Variants in KCNQ1 observed in about 807,000 individuals in gnomAD.
KCNQ1 encodes potassium voltage-gated channel subfamily KQT member 1.
Under a neutral mutation model 72.4 loss-of-function variants are expected in KCNQ1, and 49 were observed. That is an observed-to-expected ratio of 0.68 (90% CI 0.54 to 0.86). The LOEUF is 0.86. Ranked by LOEUF, KCNQ1 falls within the 40% of genes least tolerant of loss-of-function variation. The pLI is 0.00. For missense variants in KCNQ1, 790 were observed against 945.1 expected (o/e 0.84, Z 2.15); for synonymous variants, 450 against 412.6 (o/e 1.09, Z -1.10).
chr11:2,662,114 T>C, intron 11 of KCNQ1, 33 bp downstream of exon 11: 3 of 1,613,690 alleles, frequency 1.9e-6, no homozygotes. Context: ...AGGGCTGGGC[T>C]GGAGGGGACT....
rs1168367190 is a variant in KCNQ1 at position 2,820,608 on chromosome 11, G to A, written c.1795-27159G>A. Among the ~76,000 whole-genome samples the A allele has an allele frequency of 2.0e-5, 3 of 152,116 alleles. 1 individual carries two copies. The highest frequency in any genetic ancestry group is 2.0e-4 in the Admixed American group (3 of 15,272). ...TTTGTTTGTTAGTTTCACCCACTGT[G>A]GTTTGTCAGTTTCTGAGAGACAGGC... On this transcript the variant is annotated intron_variant, in intron 15 of 15. Transcript: ENST00000155840.
intron 6 of KCNQ1, among the ~76,000 whole-genome samples, chr11:2,583,148 G>A (rs1272145336): frequency 6.6e-6 from 1 of 152,118 alleles, no homozygotes; most frequent in Admixed American, 6.5e-5. Context: ...TGTGGGGCGA[G>A]CTCCCAGGCC....
At chr11:2,801,801 C>T (rs1333437916) in intron 15 of KCNQ1, among the ~76,000 whole-genome samples, 4 of 152,208 alleles carry the variant, frequency 2.6e-5, no homozygotes, top group African/African-American at 9.7e-5. Context: ...GCGGGGGTGT[C>T]CTTGCCTCTC....
intron 1 of KCNQ1, among the ~76,000 whole-genome samples, chr11:2,501,572 G>A (rs1018918092): frequency 6.6e-6 from 1 of 151,900 alleles, no homozygotes; most frequent in African/African-American, 2.4e-5. Context: ...AGACTTGATG[G>A]CCTCACTGCT....
rs112200681 is a variant in KCNQ1 at position 2,542,804 on chromosome 11, T to C, written c.477+14786T>C. Among the ~76,000 whole-genome samples, 795 of 152,366 alleles carry C rather than the reference T, an allele frequency of 5.2e-3. 8 individuals carry two copies. The highest frequency in any genetic ancestry group is 0.018 in the African/African-American group (769 of 41,588). On this transcript the variant is annotated intron_variant, in intron 2 of 15. Coordinates refer to ENST00000155840, the MANE Select transcript of KCNQ1 (RefSeq NM_000218.3). ...TTTTTCATTGCTGAGCCGTATCCCA[T>C]TGTACGGACGCATTGCAGTCTGTTT...
At chr11:2,719,398 G>C (rs1438119303) in intron 11 of KCNQ1, among the ~76,000 whole-genome samples, 1 of 151,266 alleles carries the variant, frequency 6.6e-6, no homozygotes, top group Non-Finnish European at 1.5e-5. Context: ...TGGGGGCTGA[G>C]ATGGGAGGAT....
chr11:2,514,299 G>C (rs1031422909), intron 1 of KCNQ1, among the ~76,000 whole-genome samples: 1 of 152,232 alleles, frequency 6.6e-6, no homozygotes, highest in African/African-American at 2.4e-5. Context: ...AGGTGCCTGT[G>C]GTCCCAGATC....
intron 11 of KCNQ1, among the ~76,000 whole-genome samples, chr11:2,756,205 G>A (rs115640247): frequency 0.046 from 7,035 of 152,264 alleles, 353 homozygotes; most frequent in East Asian, 0.2. Flanking sequence ...GTGTGTGGAC[G>A]AGTGAGAATG....
At chr11:2,513,560 A>G (rs1847243086) in intron 1 of KCNQ1, among the ~76,000 whole-genome samples, 1 of 152,216 alleles carries the variant, frequency 6.6e-6, no homozygotes, top group South Asian at 2.1e-4. Context: ...TGCCGTGTTC[A>G]GAGTTCCACA....
intron 10 of KCNQ1, chr11:2,644,158 C>G (rs911415922): frequency 7.5e-6 from 3 of 398,390 alleles, no homozygotes; most frequent in Non-Finnish European, 1.3e-5. Context: ...GGGAAGTGTT[C>G]AGGTATTATT....
chr11:2,843,582 G>A (rs897455961), intron 15 of KCNQ1, among the ~76,000 whole-genome samples: 7 of 152,260 alleles, frequency 4.6e-5, no homozygotes, highest in South Asian at 2.1e-4. Flanking sequence ...GGCCTCTCCC[G>A]CCTGTCCCTG....
chr11:2,597,922 G>A lies in KCNQ1; in HGVS notation c.1393+9068G>A, dbSNP rs150497646. On this transcript the variant is annotated intron_variant, in intron 10 of 15. Coordinates refer to ENST00000155840, the MANE Select transcript of KCNQ1 (RefSeq NM_000218.3). ...TTATGGTCTTCTCTATCATCTCTTCGTTTTTCTTTTCCTTTATGCCTGAAC... is the reference window on the plus strand; with the variant it reads ...TTATGGTCTTCTCTATCATCTCTTCATTTTTCTTTTCCTTTATGCCTGAAC... Among the ~76,000 whole-genome samples the A allele has an allele frequency of 4.5e-4, 68 of 151,794 alleles. No homozygotes were observed. The East Asian group carries it at 0.011, about 25-fold the overall frequency.
intron 15 of KCNQ1, among the ~76,000 whole-genome samples, chr11:2,822,059 G>A (rs1049455855): frequency 5.3e-5 from 8 of 152,196 alleles, no homozygotes; most frequent in African/African-American, 1.4e-4. Context: ...AGAAGACAGG[G>A]GGATGGAAGC....
At position 2,564,381 on chromosome 11, in the gene KCNQ1, G is replaced by A. The variant is rs1001017117; in HGVS notation, c.478-6247G>A. On this transcript the variant is annotated intron_variant, in intron 2 of 15. Transcript: ENST00000155840. This position sits in a 1 kb window ranked among gnomAD's most constrained non-coding sequence, Gnocchi z 4.5. ...GGCTGAGGCGGGCGGATCACCTGAGGTCAGGAGTTTGAGACCAGCCTGGCC... is the reference window on the plus strand; with the variant it reads ...GGCTGAGGCGGGCGGATCACCTGAGATCAGGAGTTTGAGACCAGCCTGGCC... Among the ~76,000 whole-genome samples the A allele has an allele frequency of 3.9e-5, 6 of 152,302 alleles. No homozygotes were observed. Among genetic ancestry groups the A allele is most frequent in the African/African-American group, 1.4e-4 (6 of 41,570 alleles).
intron 15 of KCNQ1, among the ~76,000 whole-genome samples, chr11:2,831,339 C>T (rs1847946456): frequency 6.6e-6 from 1 of 152,162 alleles, no homozygotes; most frequent in Non-Finnish European, 1.5e-5. Context: ...GGTGCTTGGA[C>T]CAGTGGCGGC....
chr11:2,767,228 C>T lies in KCNQ1; in HGVS notation c.1515-1616C>T, dbSNP rs187371401. 2.2e-3 allele frequency among the ~76,000 whole-genome samples: 340 copies of T among 151,748 alleles called. 1 individual carries two copies. Among genetic ancestry groups the T allele is most frequent in the African/African-American group, 7.7e-3 (319 of 41,370 alleles). On this transcript the variant is annotated intron_variant, in intron 11 of 15. Coordinates refer to ENST00000155840, the MANE Select transcript of KCNQ1 (RefSeq NM_000218.3). This position sits in a 1 kb window ranked among gnomAD's most constrained non-coding sequence, Gnocchi z 4.6. ...CTTAGCTAGGAGGTTGGACTTGGTT[C>T]AGCTAGGAGGTTGTTCTGTTGGTGC...
At chr11:2,739,637 G>A (rs1049817664) in intron 11 of KCNQ1, among the ~76,000 whole-genome samples, 4 of 152,216 alleles carry the variant, frequency 2.6e-5, no homozygotes, top group African/African-American at 9.6e-5. Flanking sequence ...CTGCCCCAGC[G>A]TTTGTCAGCC....
rs776901202 is a variant in KCNQ1 at position 2,723,635 on chromosome 11, G to A, written c.1515-45209G>A. On this transcript the variant is annotated intron_variant, in intron 11 of 15. Transcript: ENST00000155840. The surrounding 1 kb of genome is among the most constrained non-coding windows in gnomAD (Gnocchi z 4.2). ...AGCAGCTCGAAGTAGCAACAGCCTC[G>A]AATCCCTCACACCTAGCGGTTGGCT... Among the ~76,000 whole-genome samples, 12 of 152,320 alleles carry A rather than the reference G, an allele frequency of 7.9e-5. No homozygotes were observed. The highest frequency in any genetic ancestry group is 4.6e-4 in the Admixed American group (7 of 15,298).
rs1403975087 is a variant in KCNQ1 at position 2,491,735 on chromosome 11, C to G, written c.387-36193C>G. 6.6e-6 allele frequency among the ~76,000 whole-genome samples: 1 copy of G among 151,850 alleles called. No individual in the cohort carries two copies. The highest frequency in any genetic ancestry group is 2.4e-5 in the African/African-American group (1 of 41,334). On this transcript the variant is annotated intron_variant, in intron 1 of 15. Coordinates refer to ENST00000155840, the MANE Select transcript of KCNQ1 (RefSeq NM_000218.3). This position sits in a 1 kb window ranked among gnomAD's most constrained non-coding sequence, Gnocchi z 4.1. Reference sequence around the variant, plus strand: ...CAAATACAAGAAGATTCTAGAATACCAAGCAGATTTAACCCAAAGAAGACT... The same window carrying G: ...CAAATACAAGAAGATTCTAGAATACGAAGCAGATTTAACCCAAAGAAGACT...
Sources: gnomAD v4.1 joint callset for allele counts (sites outside exome capture counted in the v4.1 genomes callset) on GRCh38, gnomAD v4.1.1 for gene constraint, Gnocchi (gnomAD v3.1) non-coding constraint, MANE v1.5 for transcripts, NCBI Gene and HGNC (gene_info 2026-07-23, HGNC 2026-07-21) for gene names.